Variants in RNLS observed in about 807,000 individuals in gnomAD.
RNLS encodes the protein renalase.
Under a neutral mutation model 39.8 loss-of-function variants are expected in RNLS, and 39 were observed. The ratio of observed to expected loss-of-function variants is 0.98; its 90% CI spans 0.76 to 1.28. RNLS has a LOEUF of 1.28. Among genes scored for constraint, RNLS ranks in the 50% most tolerant of loss-of-function variants. RNLS has a pLI of 0.00. For synonymous variants in RNLS, 147 were observed against 150.7 expected (o/e 0.98, Z 0.18); for missense variants, 410 against 413.3 (o/e 0.99, Z 0.07).
At chr10:88,385,125 C>T (rs554744576) in intron 4 of RNLS, among the ~76,000 whole-genome samples, 25 of 152,294 alleles carry the variant, frequency 1.6e-4, no homozygotes, top group African/African-American at 6.0e-4. Flanking sequence ...CAAATGCTAG[C>T]TCATTTCCTT....
rs1564717142 is a variant in RNLS, at chr10:88,349,689, A to ATTTT, written c.700+12862_700+12863insAAAA. On this transcript the variant is annotated intron_variant, in intron 5 of 6. Transcript: ENST00000331772. ...TGCCTATTAATTTAAATAACAAAAA[A>ATTTT]TATTTATTTTTACGTATGTATATAT... Among the ~76,000 whole-genome samples the ATTTT allele has an allele frequency of 5.3e-5, 8 of 152,124 alleles. No homozygotes were observed. In the East Asian group the frequency reaches 1.3e-3, roughly 26 times the overall value.
At position 88,365,051 on chromosome 10, in the gene RNLS, A is replaced by G. The variant is rs185661598; in HGVS notation, c.527-2326T>C. ...CACCCCCCTTTTTGCTAGCTTTTAG[A>G]CAAAGTGCCAAGTGGTAAATCCCAC... On this transcript the variant is annotated intron_variant, in intron 4 of 6. Coordinates refer to ENST00000331772, the MANE Select transcript of RNLS (RefSeq NM_001031709.3). Among the ~76,000 whole-genome samples the G allele has an allele frequency of 3.2e-4, 49 of 152,172 alleles. 1 individual carries two copies. The East Asian group carries it at 5.8e-3, about 18-fold the overall frequency.
chr10:88,471,521 T>C (rs1045921320), intron 4 of RNLS, among the ~76,000 whole-genome samples: 1 of 152,218 alleles, frequency 6.6e-6, no homozygotes, highest in Admixed American at 6.5e-5. Context: ...TCTGGAAGAA[T>C]GTATAGAGTA....
At chr10:88,216,240 G>C in the RNLS span, among the ~76,000 whole-genome samples, 2 of 152,170 alleles carry the variant, frequency 1.3e-5, no homozygotes, top group Non-Finnish European at 2.9e-5. Context: ...GGCTACAGAA[G>C]CTCTTCCAGG....
chr10:88,481,657 T>C (rs1219932268), intron 4 of RNLS, among the ~76,000 whole-genome samples: 1 of 152,158 alleles, frequency 6.6e-6, no homozygotes, highest in Non-Finnish European at 1.5e-5. Flanking sequence ...AACTTAACGA[T>C]AATATACTCA....
chr10:88,360,577 C>T (rs11202731), intron 5 of RNLS, among the ~76,000 whole-genome samples: 25,013 of 152,168 alleles, frequency 0.16, 2,180 homozygotes, highest in East Asian at 0.35. Context: ...GCTGGAATTA[C>T]AGGCGCTTGT....
At chr10:88,549,806 A>C (rs1365581230) in intron 4 of RNLS, among the ~76,000 whole-genome samples, 1 of 152,212 alleles carries the variant, frequency 6.6e-6, no homozygotes, top group African/African-American at 2.4e-5. Flanking sequence ...GGCCCAGAAA[A>C]AGAAGTTGTT....
chr10:88,384,553 C>A (rs1178129131), intron 4 of RNLS, among the ~76,000 whole-genome samples: 12 of 152,146 alleles, frequency 7.9e-5, no homozygotes, highest in Non-Finnish European at 4.4e-5. Context: ...TTTCTCTACA[C>A]TATAAATTGA....
chr10:88,451,346 G>A (rs550400298), intron 4 of RNLS, among the ~76,000 whole-genome samples: 5 of 152,302 alleles, frequency 3.3e-5, no homozygotes, highest in African/African-American at 9.6e-5. Context: ...AGAAGACAAC[G>A]TGGTTTGGCT....
At chr10:88,390,064 C>T (rs1423661090) in intron 4 of RNLS, among the ~76,000 whole-genome samples, 1 of 152,150 alleles carries the variant, frequency 6.6e-6, no homozygotes, top group Non-Finnish European at 1.5e-5. Context: ...TATCAAGAAC[C>T]AGTGGATATT....
downstream of RNLS, among the ~76,000 whole-genome samples, chr10:88,269,327 G>A (rs1842585486): frequency 6.6e-6 from 1 of 152,196 alleles, no homozygotes; most frequent in African/African-American, 2.4e-5. Context: ...CTGAGAATAG[G>A]TTGTCTATAT....
In RNLS at chr10:88,345,137, C is replaced by T. The variant is rs991339060; in HGVS notation, c.700+17415G>A. On this transcript the variant is annotated intron_variant, in intron 5 of 6. Transcript: ENST00000331772. Reference sequence around the variant, plus strand: ...AGGCTCAATTTACTCAATAATGTCACATCTGGGCAAAAAGATGGATTGGTG... The same window carrying T: ...AGGCTCAATTTACTCAATAATGTCATATCTGGGCAAAAAGATGGATTGGTG... Among the ~76,000 whole-genome samples the T allele has an allele frequency of 3.3e-5, 5 of 152,212 alleles. No individual in the cohort carries two copies. The East Asian group carries it at 7.7e-4, about 23-fold the overall frequency.
intron 5 of RNLS, 82 bp from the exon 6 acceptor site, chr10:88,314,723 G>A: frequency 8.3e-7 from 1 of 1,205,602 alleles, no homozygotes; most frequent in Admixed American, 2.5e-5. Context: ...TCAGACTTAA[G>A]AACTGATCAC....
intron 4 of RNLS, among the ~76,000 whole-genome samples, chr10:88,539,673 A>C (rs1302634020): frequency 6.6e-6 from 1 of 152,104 alleles, no homozygotes; most frequent in Non-Finnish European, 1.5e-5. Flanking sequence ...AATCTCTGTA[A>C]ATATCTAACT....
chr10:88,512,514 GT>G (rs1259624720), intron 4 of RNLS, among the ~76,000 whole-genome samples: 5 of 152,162 alleles, frequency 3.3e-5, no homozygotes, highest in Admixed American at 2.0e-4. Context: ...CAAACTTGTC[GT>G]TTTTTTATGC....
chr10:88,255,848 G>A, the RNLS span, among the ~76,000 whole-genome samples: 2 of 152,188 alleles, frequency 1.3e-5, no homozygotes, highest in African/African-American at 2.4e-5. Flanking sequence ...TCCCCCTAGG[G>A]CAGCACATCT....
chr10:88,259,890 C>T, the RNLS span, among the ~76,000 whole-genome samples: 9 of 152,000 alleles, frequency 5.9e-5, no homozygotes, highest in South Asian at 2.1e-4. Flanking sequence ...TACAGGTAAG[C>T]GCCACCACGC....
intron 5 of RNLS, among the ~76,000 whole-genome samples, chr10:88,356,169 T>C (rs1166975208): frequency 5.3e-5 from 8 of 152,202 alleles, no homozygotes. Context: ...GCTTCCCACG[T>C]GAGGCGATGC....
At chr10:88,230,267 C>G in the RNLS span, among the ~76,000 whole-genome samples, 1 of 152,164 alleles carries the variant, frequency 6.6e-6, no homozygotes, top group Admixed American at 6.5e-5. Context: ...AACAAAGTAA[C>G]AGACCTGCTG....
Sources: allele counts gnomAD v4.1 joint callset (sites outside exome capture counted in the v4.1 genomes callset), GRCh38; gene constraint gnomAD v4.1.1; transcripts MANE v1.5; gene names NCBI Gene and HGNC (gene_info 2026-07-23, HGNC 2026-07-21).